Variants in MRPL44 observed in about 807,000 individuals in gnomAD.
The protein encoded by MRPL44 is large ribosomal subunit protein mL44.
MRPL44 carries 21 observed loss-of-function variants against 25.9 expected under a neutral mutation model. The ratio of observed to expected loss-of-function variants is 0.81; its 90% confidence interval spans 0.58 to 1.17. MRPL44 has a LOEUF of 1.17. Ranked by LOEUF, MRPL44 falls within the 50% of genes most tolerant of loss-of-function variation. The pLI is 0.00. For synonymous variants in MRPL44, 169 were observed against 151.0 expected (o/e 1.12, Z -0.87); for missense variants, 410 against 398.9 (o/e 1.03, Z -0.24).
intron 3 of MRPL44, among the ~76,000 whole-genome samples, chr2:223,964,136 G>A (rs1156393200): frequency 6.6e-6 from 1 of 152,034 alleles, no homozygotes; most frequent in African/African-American, 2.4e-5. Flanking sequence ...TTCCCTTCCC[G>A]CTAGTTATGC....
intron 2 of MRPL44, among the ~76,000 whole-genome samples, chr2:223,961,860 CTA>C (rs1689664919): frequency 6.6e-6 from 1 of 152,146 alleles, no homozygotes; most frequent in Non-Finnish European, 1.5e-5. Context: ...AGCTTTCTTT[CTA>C]TATTCCTACT....
the MRPL44 span, among the ~76,000 whole-genome samples, chr2:223,951,497 T>TTTTTTTC: frequency 1.9e-4 from 28 of 148,606 alleles, 1 homozygote; most frequent in African/African-American, 6.4e-4. Context: ...TTTTTTTTTT[T>TTTTTTTC]CAGACAGAGT....
chr2:223,955,874 A>G (rs567235876), upstream of MRPL44, among the ~76,000 whole-genome samples: 17 of 152,384 alleles, frequency 1.1e-4, no homozygotes, highest in African/African-American at 3.6e-4. Flanking sequence ...AGACAAATGT[A>G]TGAGCAGATT....
rs1574796000 is a variant in MRPL44, at chr2:223,963,805, A to G, written c.698A>G (p.Lys233Arg). Residue 233 changes from lysine (K) to arginine (R), a missense_variant, in exon 3 of 4, where the codon AAG becomes AGG. By Grantham distance (26) the Lys-to-Arg change is conservative (BLOSUM62 2). Coordinates refer to ENST00000258383, the MANE Select transcript of MRPL44 (RefSeq NM_022915.5). Reference protein sequence around the residue: ...MTGKELFEMWKIINPMGLLVE... With the variant: ...MTGKELFEMWRIINPMGLLVE... ...GGAAAAGAGCTCTTTGAGATGTGGA[A>G]GATAATAAATCCCATGGGGCTATTG... is the stretch of plus-strand genomic sequence containing the variant. The G allele has an allele frequency of 6.2e-7, 1 of 1,613,150 alleles. No individual in the cohort carries two copies.
chr2:223,955,942 G>A (rs932759240), upstream of MRPL44, among the ~76,000 whole-genome samples: 2 of 152,172 alleles, frequency 1.3e-5, no homozygotes, highest in African/African-American at 4.8e-5. Flanking sequence ...GAAATCTTTT[G>A]AGGACCTACA....
chr2:223,959,573 A>T lies in MRPL44; in HGVS notation c.219A>T (p.Gln73His), dbSNP rs1375471630. ...KPNWDYHAEI[Q>H]AFGHRLQENF... ...ACTGGGATTACCATGCAGAAATACA[A>T]GCTTTTGGACATCGGTTACAGGAAA... is the stretch of plus-strand genomic sequence containing the variant. Residue 73 changes from glutamine (Q) to histidine (H), a missense_variant, in exon 2 of 4, where the codon CAA becomes CAT. Gln to His is a conservative substitution (Grantham distance 24, BLOSUM62 0). Transcript: ENST00000258383. 1.2e-6 allele frequency: 2 copies of T among 1,613,132 alleles called. No individual in the cohort carries two copies. Among genetic ancestry groups the T allele is most frequent in the Admixed American group, 3.3e-5 (2 of 59,802 alleles).
rs116628286 is a variant in MRPL44, at chr2:223,959,277, T to C, written c.180-257T>C. Among the ~76,000 whole-genome samples the C allele has an allele frequency of 1.9e-3, 285 of 152,330 alleles. 2 individuals are homozygous for C. Among genetic ancestry groups the C allele is most frequent in the African/African-American group, 6.7e-3 (280 of 41,570 alleles). Reference sequence around the variant, plus strand: ...TAGGCTAATGGCTTGGTCTTTTATATTGAAGAACCAATTTCATGTGACAAT... The same window carrying C: ...TAGGCTAATGGCTTGGTCTTTTATACTGAAGAACCAATTTCATGTGACAAT... On this transcript the variant is annotated intron_variant, in intron 1 of 3. Transcript: ENST00000258383.
chr2:223,954,082 A>C (rs538024420), upstream of MRPL44, among the ~76,000 whole-genome samples: 55 of 152,318 alleles, frequency 3.6e-4, no homozygotes, highest in African/African-American at 1.3e-3. Context: ...AAGTATCCTT[A>C]ATGACAGGAA....
chr2:223,957,311 G>A (rs1268452313), upstream of MRPL44: 2 of 805,458 alleles, frequency 2.5e-6, no homozygotes, highest in African/African-American at 3.4e-5. Context: ...CCCCGCCCCG[G>A]GGCTGTCTCC....
At chr2:223,954,835 G>A (rs554909973), upstream of MRPL44, among the ~76,000 whole-genome samples, 74 of 152,324 alleles carry the variant, frequency 4.9e-4, 1 homozygote, top group South Asian at 3.9e-3. Flanking sequence ...TAAGTACCAG[G>A]AGGTGGGGCT....
chr2:223,963,346 G>A (rs1195108006), intron 2 of MRPL44, among the ~76,000 whole-genome samples: 2 of 152,036 alleles, frequency 1.3e-5, no homozygotes, highest in Non-Finnish European at 1.5e-5. Context: ...AAGAGGCTGA[G>A]CTAGGAGGAT....
upstream of MRPL44, among the ~76,000 whole-genome samples, chr2:223,954,627 CAT>C (rs1328154049): frequency 1.3e-5 from 2 of 152,206 alleles, no homozygotes; most frequent in African/African-American, 4.8e-5. Context: ...AGCCTTTCCA[CAT>C]AGTTTCTTAG....
At chr2:223,951,167 C>A in the MRPL44 span, among the ~76,000 whole-genome samples, 1 of 152,168 alleles carries the variant, frequency 6.6e-6, no homozygotes, top group Non-Finnish European at 1.5e-5. Context: ...GCAGATCAAG[C>A]AAATGAAATG....
chr2:223,957,509 C>T lies in MRPL44; in HGVS notation c.37C>T (p.His13Tyr), dbSNP rs1689588250. 6.2e-7 allele frequency: 1 copy of T among 1,614,160 alleles called. No homozygotes were observed. The highest frequency in any genetic ancestry group is 8.5e-7 in the Non-Finnish European group (1 of 1,180,026). ...GCTGGTAAGATTGCTGCAGCAGGGA[C>T]ATCGCTGCCTCCTGGCTCCAGTCGC... ...SGLVRLLQQG[H>Y]RCLLAPVAPK... is the part of the protein sequence containing the mutation. The change falls in exon 1 of 4, where the codon CAT (histidine) becomes TAT (tyrosine). Residue 13 changes from histidine to tyrosine, a missense_variant. Coordinates refer to ENST00000258383, the MANE Select transcript of MRPL44 (RefSeq NM_022915.5).
intron 3 of MRPL44, 65 bp from the exon 4 acceptor site, chr2:223,966,798 A>G (rs775713261): frequency 2.8e-6 from 4 of 1,434,136 alleles, no homozygotes; most frequent in Non-Finnish European, 3.8e-6. Context: ...TTGCTTTATA[A>G]CTGCTTTGTG....
intron 2 of MRPL44, 42 bp downstream of exon 2, chr2:223,960,044 G>A (rs1470561151): frequency 1.4e-6 from 2 of 1,430,882 alleles, no homozygotes; most frequent in Non-Finnish European, 1.9e-6. Context: ...TAGACAGAAG[G>A]GAAAATATTC....
Position 223,967,162 on chromosome 2 carries a change from A to C in MRPL44, c.*128A>C. Reference sequence around the variant, plus strand: ...TGTTTCTGTTTTTTACTGTGTTCCCAAAATTAAATAAGTGTTAACCAAGTC... The same window carrying C: ...TGTTTCTGTTTTTTACTGTGTTCCCCAAATTAAATAAGTGTTAACCAAGTC... On this transcript the variant is annotated 3_prime_UTR_variant, in exon 4 of 4. Transcript: ENST00000258383. 1.1e-6 allele frequency: 1 copy of C among 917,454 alleles called. No individual in the cohort carries two copies. The highest frequency in any genetic ancestry group is 2.1e-5 in the South Asian group (1 of 46,850). 56.8% of individuals were successfully genotyped at this position (917,454 alleles called of 1,614,324 possible).
At chr2:223,957,347 GC>G (rs979353622), upstream of MRPL44, 3 of 1,268,174 alleles carry the variant, frequency 2.4e-6, no homozygotes, top group Non-Finnish European at 3.3e-6. Flanking sequence ...CAGTCGCCCC[GC>G]CCCGGGGGCT....
chr2:223,955,740 A>C (rs1384235428), upstream of MRPL44, among the ~76,000 whole-genome samples: 1 of 152,202 alleles, frequency 6.6e-6, no homozygotes, highest in Admixed American at 6.5e-5. Context: ...GGCTAACAGC[A>C]GGTTAAAGGA....
Sources: allele counts gnomAD v4.1 joint callset (sites outside exome capture counted in the v4.1 genomes callset), GRCh38; gene constraint gnomAD v4.1.1; transcripts MANE v1.5; gene names NCBI Gene and HGNC (gene_info 2026-07-23, HGNC 2026-07-21).